RAD23B: variants seen among roughly 807,000 people sequenced by gnomAD.
RAD23B encodes the protein RAD23 nucleotide excision repair protein B, also known as lysine-specific demethylase RAD23B.
RAD23B carries 5 observed loss-of-function variants against 49.1 expected under a neutral mutation model. The observed-to-expected ratio is 0.10, with a 90% confidence interval of 0.05 to 0.21. The LOEUF is 0.21. Among genes scored for constraint, RAD23B ranks in the 10% least tolerant of loss-of-function variants. The pLI is 1.00. For missense variants in RAD23B, 356 were observed against 486.7 expected, an observed-to-expected ratio of 0.73 and a Z score of 2.53; for synonymous variants, 184 against 165.4, an observed-to-expected ratio of 1.11 and a Z score of -0.86.
At chr9:107,287,337 T>G (rs1279939293) in intron 1 of RAD23B, among the ~76,000 whole-genome samples, 1 of 152,228 alleles carries the variant, frequency 6.6e-6, no homozygotes, top group Non-Finnish European at 1.5e-5. Flanking sequence ...TGACACTGTT[T>G]GCCTTGAACA....
chr9:107,317,451 G>T (rs542752977), intron 5 of RAD23B, among the ~76,000 whole-genome samples: 1 of 152,168 alleles, frequency 6.6e-6, no homozygotes, highest in African/African-American at 2.4e-5. Context: ...ATTAGTTGAG[G>T]AATGAGTGGA....
Position 107,332,071 on chromosome 9 carries a change from C to G in RAD23B, c.*2415C>G, listed in dbSNP as rs1827320078. The stretch of plus-strand genomic sequence containing the variant: ...AGTTTGTATTTGTAAATTTCTTATG[C>G]CATCCTCTAGTCAAATTTTTTTTCA... On this transcript the variant is annotated 3_prime_UTR_variant, in exon 10 of 10. Coordinates refer to ENST00000358015, the MANE Select transcript of RAD23B (RefSeq NM_002874.5). 3.5e-6 allele frequency: 1 copy of G among 286,186 alleles called. No individual in the cohort carries two copies. Among genetic ancestry groups the G allele is most frequent in the South Asian group, 1.5e-4 (1 of 6,552 alleles). 17.7% of individuals were successfully genotyped at this position (286,186 alleles called of 1,614,324 possible).
intron 1 of RAD23B, chr9:107,284,215 C>T (rs1833225486): frequency 1.0e-6 from 1 of 985,744 alleles, no homozygotes; most frequent in Non-Finnish European, 1.2e-6. Context: ...TGAATTTGCC[C>T]CTTTCCCCTC....
chr9:107,326,279 T>C (rs2133099518), intron 9 of RAD23B, among the ~76,000 whole-genome samples: 1 of 151,908 alleles, frequency 6.6e-6, no homozygotes, highest in East Asian at 2.0e-4. Flanking sequence ...TTATTAAGAA[T>C]TGGTGTGGGC....
chr9:107,283,443 C>G lies in RAD23B; in HGVS notation c.-187C>G, dbSNP rs970536992. On this transcript the variant is annotated 5_prime_UTR_variant, in exon 1 of 10. Coordinates refer to ENST00000358015, the MANE Select transcript of RAD23B (RefSeq NM_002874.5). ...AAGGCCGCAGTCGCGGAGGCAGCGG[C>G]GCGGTCCGGGGCACGGGCTGGGGGA... The G allele has an allele frequency of 2.3e-5, 10 of 442,346 alleles. No homozygotes were observed. The highest frequency in any genetic ancestry group is 2.2e-4 in the Admixed American group (5 of 22,784). 27.4% of individuals were successfully genotyped at this position (442,346 alleles called of 1,614,324 possible).
chr9:107,302,160 T>C lies in RAD23B; in HGVS notation c.228+46T>C, dbSNP rs746070552. ...GTATATCTTTATGCATGTAGGTCTT[T>C]TTAAAAATGATGATCACAAGTCCAC... On this transcript the variant is annotated intron_variant, in intron 3 of 9. Transcript: ENST00000358015. 61 of 1,606,210 alleles carry C rather than the reference T, an allele frequency of 3.8e-5. 1 individual carries two copies. In the Middle Eastern group the frequency reaches 5.8e-4, roughly 15 times the overall value.
intron 1 of RAD23B, among the ~76,000 whole-genome samples, chr9:107,287,325 C>G (rs1366365478): frequency 6.6e-6 from 1 of 152,160 alleles, no homozygotes; most frequent in Admixed American, 6.5e-5. Flanking sequence ...CAGTCTAACT[C>G]TTGACACTGT....
chr9:107,319,128 CT>C (rs56891354), intron 6 of RAD23B, among the ~76,000 whole-genome samples: 31,548 of 96,696 alleles, frequency 0.33, 2,559 homozygotes, highest in Middle Eastern at 0.54. Flanking sequence ...TTTCTTTTTT[CT>C]TTTTTTTTTT....
At chr9:107,306,308 G>A (rs1826771868) in intron 3 of RAD23B, 71 bp from the exon 4 acceptor site, 8 of 1,457,712 alleles carry the variant, frequency 5.5e-6, no homozygotes, top group Non-Finnish European at 7.5e-6. Context: ...TCCTGTAACG[G>A]TACAGTCTAA....
intron 2 of RAD23B, 52 bp downstream of exon 2, chr9:107,300,274 T>TATC: frequency 6.4e-7 from 1 of 1,552,974 alleles, no homozygotes; most frequent in Non-Finnish European, 8.7e-7. Context: ...TTCTTTTAGT[T>TATC]TTAGAAATGT....
At chr9:107,323,487 G>C (rs1827146474) in intron 7 of RAD23B, among the ~76,000 whole-genome samples, 1 of 152,122 alleles carries the variant, frequency 6.6e-6, no homozygotes, top group Admixed American at 6.6e-5. Context: ...TGTTTATAAA[G>C]TAAGTGAGTT....
intron 8 of RAD23B, 94 bp downstream of exon 8, chr9:107,324,111 T>C (rs1564252726): frequency 7.6e-7 from 1 of 1,309,258 alleles, no homozygotes; most frequent in Non-Finnish European, 1.1e-6. Context: ...AATACAACTC[T>C]GTATTTGAGA....
At chr9:107,307,387 G>A (rs554220129) in intron 4 of RAD23B, among the ~76,000 whole-genome samples, 38 of 152,320 alleles carry the variant, frequency 2.5e-4, no homozygotes, top group African/African-American at 9.1e-4. Context: ...CAGGTAAAAT[G>A]ACCAAAGCAA....
chr9:107,290,396 C>T (rs141192724), intron 1 of RAD23B, among the ~76,000 whole-genome samples: 29 of 152,318 alleles, frequency 1.9e-4, no homozygotes, highest in African/African-American at 4.8e-4. Context: ...TAATGATACA[C>T]TCCCTTGTGT....
rs1826687028 is a variant in RAD23B at position 107,302,885 on chromosome 9, T to C, written c.228+771T>C. Reference sequence around the variant, plus strand: ...GTTAGCCAGGATGGTCTCGATTTCCTGACCTCGTGATCCGCCCGCCTCGGC... The same window carrying C: ...GTTAGCCAGGATGGTCTCGATTTCCCGACCTCGTGATCCGCCCGCCTCGGC... On this transcript the variant is annotated intron_variant, in intron 3 of 9. Coordinates refer to ENST00000358015, the MANE Select transcript of RAD23B (RefSeq NM_002874.5). 4.6e-5 allele frequency among the ~76,000 whole-genome samples: 7 copies of C among 152,190 alleles called. 1 individual carries two copies. The South Asian group carries it at 1.5e-3, about 32-fold the overall frequency.
chr9:107,290,413 C>G, intron 1 of RAD23B, among the ~76,000 whole-genome samples: 1 of 152,190 alleles, frequency 6.6e-6, no homozygotes, highest in East Asian at 1.9e-4. Context: ...GTGTCCACAT[C>G]CCTCTTTAGC....
chr9:107,291,830 T>C (rs558021513), intron 1 of RAD23B, among the ~76,000 whole-genome samples: 3 of 152,378 alleles, frequency 2.0e-5, no homozygotes, highest in Non-Finnish European at 1.5e-5. Context: ...TAATTGTTGA[T>C]TGCCAAAATT....
intron 1 of RAD23B, among the ~76,000 whole-genome samples, chr9:107,297,814 G>A (rs1199187567): frequency 6.6e-6 from 1 of 150,970 alleles, no homozygotes; most frequent in African/African-American, 2.4e-5. Flanking sequence ...TTATTTAAGC[G>A]TTTTGAAATA....
chr9:107,308,780 T>C (rs1157588535), intron 4 of RAD23B, among the ~76,000 whole-genome samples: 1 of 152,216 alleles, frequency 6.6e-6, no homozygotes, highest in Non-Finnish European at 1.5e-5. Context: ...GAAAACAAGC[T>C]GCTTAAATGT....
Sources: gnomAD v4.1 joint callset for allele counts (sites outside exome capture counted in the v4.1 genomes callset) on GRCh38, gnomAD v4.1.1 for gene constraint, MANE v1.5 for transcripts, NCBI Gene and HGNC (gene_info 2026-07-23, HGNC 2026-07-21) for gene names.